The following SLC16A12 variants were observed in gnomAD, a reference collection of about 807,000 sequenced individuals.
The protein encoded by SLC16A12 is monocarboxylate transporter 12.
SLC16A12 carries 17 observed loss-of-function variants against 42.4 expected under a neutral mutation model. That is an observed-to-expected ratio of 0.40 (90% CI 0.27 to 0.60). SLC16A12 has a LOEUF of 0.60. Ranked by LOEUF, SLC16A12 falls within the 20% of genes least tolerant of loss-of-function variation. The pLI, the probability that SLC16A12 is intolerant of heterozygous loss-of-function variation, is 0.42. For missense variants in SLC16A12, 544 were observed against 623.0 expected, an observed-to-expected ratio of 0.87 and a Z score of 1.35; for synonymous variants, 224 against 229.4, an observed-to-expected ratio of 0.98 and a Z score of 0.21.
At chr10:89,527,842 A>G (rs943466079) in intron 2 of SLC16A12, among the ~76,000 whole-genome samples, 6 of 151,650 alleles carry the variant, frequency 4.0e-5, no homozygotes, top group Admixed American at 3.9e-4. Context: ...AAAAGAAAAA[A>G]AGAGGTGAAT....
chr10:89,544,149 C>A (rs566293600), intron 2 of SLC16A12, among the ~76,000 whole-genome samples: 1 of 152,318 alleles, frequency 6.6e-6, no homozygotes, highest in Non-Finnish European at 1.5e-5. Context: ...TGAGCAGAAC[C>A]ATTATGGCCC....
chr10:89,450,083 T>C (rs1267934470), intron 3 of SLC16A12, among the ~76,000 whole-genome samples: 1 of 152,200 alleles, frequency 6.6e-6, no homozygotes, highest in East Asian at 1.9e-4. Flanking sequence ...CCAGTTAGAA[T>C]GGCCATCATT....
chr10:89,523,677 A>T (rs185337225), intron 2 of SLC16A12, among the ~76,000 whole-genome samples: 12 of 151,990 alleles, frequency 7.9e-5, no homozygotes, highest in East Asian at 7.7e-4. Context: ...AGCATATTAA[A>T]CTCTTACCAT....
chr10:89,450,247 A>T (rs1784112192), intron 3 of SLC16A12, among the ~76,000 whole-genome samples: 2 of 152,236 alleles, frequency 1.3e-5, no homozygotes, highest in African/African-American at 4.8e-5. Context: ...TGACCCAGTG[A>T]TCCTGTTACT....
At chr10:89,495,227 G>A (rs1225568863) in intron 2 of SLC16A12, among the ~76,000 whole-genome samples, 2 of 152,056 alleles carry the variant, frequency 1.3e-5, no homozygotes, top group Non-Finnish European at 2.9e-5. Flanking sequence ...GGTGGTGTGC[G>A]CCTGTAGTCC....
intron 3 of SLC16A12, among the ~76,000 whole-genome samples, chr10:89,449,584 T>C (rs1842059548): frequency 6.6e-6 from 1 of 152,220 alleles, no homozygotes; most frequent in Admixed American, 6.5e-5. Context: ...GATCCCTTCC[T>C]TATACCTTAT....
In SLC16A12 at chr10:89,462,490, G is replaced by T. The variant is rs1842318115; in HGVS notation, c.89C>A (p.Thr30Asn). Residue 30 changes from threonine to asparagine, a missense_variant, in exon 3 of 8, where the codon ACC becomes AAC. Physicochemically the swap from Thr to Asn is moderately conservative, Grantham distance 65 (BLOSUM62 0). Coordinates refer to ENST00000371790, the MANE Select transcript of SLC16A12 (RefSeq NM_213606.4). The part of the protein sequence containing the change: ...EQPGKEEKRK[T>N]MAKVNRARST... ...CCGAGCTCTATTTACTTTTGCCATG[G>T]TTTTTCTTTTTTCTTCTTTTCCAGG... is the stretch of plus-strand genomic sequence containing the variant. 1.2e-6 allele frequency: 2 copies of T among 1,614,030 alleles called. No homozygotes were observed. The highest frequency in any genetic ancestry group is 3.3e-5 in the Admixed American group (2 of 59,998).
At chr10:89,441,963 A>C (rs559158481) in intron 4 of SLC16A12, among the ~76,000 whole-genome samples, 32 of 152,156 alleles carry the variant, frequency 2.1e-4, no homozygotes, top group Non-Finnish European at 4.6e-4. Context: ...CAACAAGAGC[A>C]CCTAACACCG....
At chr10:89,526,142 A>C (rs557581405) in intron 2 of SLC16A12, among the ~76,000 whole-genome samples, 3 of 149,058 alleles carry the variant, frequency 2.0e-5, no homozygotes, top group African/African-American at 7.4e-5. Flanking sequence ...CCCCGCCCCC[A>C]CACACATATA....
chr10:89,507,565 G>A (rs1843084622), intron 2 of SLC16A12, among the ~76,000 whole-genome samples: 1 of 152,188 alleles, frequency 6.6e-6, no homozygotes, highest in African/African-American at 2.4e-5. Flanking sequence ...AATTACAAGA[G>A]CTCCTGAAGG....
chr10:89,445,430 C>T (rs144548322), intron 3 of SLC16A12, among the ~76,000 whole-genome samples: 2,323 of 152,332 alleles, frequency 0.015, 25 homozygotes, highest in Non-Finnish European at 0.022. Flanking sequence ...ATTTGCTGTT[C>T]TGCAGCCTCT....
chr10:89,531,701 G>T (rs1336515710), intron 2 of SLC16A12, among the ~76,000 whole-genome samples: 1 of 152,156 alleles, frequency 6.6e-6, no homozygotes, highest in East Asian at 1.9e-4. Flanking sequence ...ACCCAACACA[G>T]CCTCAACTGG....
chr10:89,498,696 C>G (rs1392172898), intron 2 of SLC16A12, among the ~76,000 whole-genome samples: 1 of 152,076 alleles, frequency 6.6e-6, no homozygotes, highest in Admixed American at 6.6e-5. Context: ...CCGAGAGGAC[C>G]CACAGACCCT....
chr10:89,481,643 TTGTG>T (rs66954717), intron 2 of SLC16A12, among the ~76,000 whole-genome samples: 30,668 of 143,210 alleles, frequency 0.21, 3,693 homozygotes, highest in Non-Finnish European at 0.3. Flanking sequence ...TTTTTTTTTC[TTGTG>T]TGTGTGTGTG....
intron 2 of SLC16A12, among the ~76,000 whole-genome samples, chr10:89,485,317 G>A (rs1203768230): frequency 1.3e-5 from 2 of 152,216 alleles, no homozygotes; most frequent in Non-Finnish European, 2.9e-5. Flanking sequence ...ACAAGGTTGA[G>A]AAAGCCTGAT....
intron 2 of SLC16A12, among the ~76,000 whole-genome samples, chr10:89,481,885 G>A (rs952061468): frequency 2.0e-5 from 3 of 152,142 alleles, no homozygotes; most frequent in Admixed American, 6.5e-5. Context: ...TTTCAGGCTC[G>A]CATGAGGAAA....
At chr10:89,435,992 G>T in intron 7 of SLC16A12, 68 bp downstream of exon 7, 1 of 1,599,638 alleles carries the variant, frequency 6.3e-7, no homozygotes, top group Non-Finnish European at 8.5e-7. Flanking sequence ...GACTGCATGT[G>T]GGTTTGCTGT....
chr10:89,505,547 T>C (rs1278385009), intron 2 of SLC16A12, among the ~76,000 whole-genome samples: 1 of 151,878 alleles, frequency 6.6e-6, no homozygotes, highest in Non-Finnish European at 1.5e-5. Context: ...CCAACTGAGG[T>C]ACCTGGTTCA....
chr10:89,498,543 T>C (rs1842954450), intron 2 of SLC16A12, among the ~76,000 whole-genome samples: 1 of 152,196 alleles, frequency 6.6e-6, no homozygotes, highest in Non-Finnish European at 1.5e-5. Flanking sequence ...CCTGGAATAT[T>C]ATATTTTAAA....
Sources: allele counts gnomAD v4.1 joint callset (sites outside exome capture counted in the v4.1 genomes callset), GRCh38; gene constraint gnomAD v4.1.1; transcripts MANE v1.5; gene names NCBI Gene and HGNC (gene_info 2026-07-23, HGNC 2026-07-21).